ANKRD28: variants seen among roughly 807,000 people sequenced by gnomAD.
ANKRD28 encodes the protein serine/threonine-protein phosphatase 6 regulatory ankyrin repeat subunit A.
A neutral mutation model predicts 126.5 loss-of-function variants in ANKRD28; 44 were observed. The observed-to-expected ratio is 0.35, with a 90% CI of 0.27 to 0.45. ANKRD28 has a LOEUF of 0.45. Ranked by LOEUF, ANKRD28 falls within the 20% of genes least tolerant of loss-of-function variation. ANKRD28 has a pLI of 1.00. For missense variants in ANKRD28, 1,110 were observed against 1,316.6 expected, an observed-to-expected ratio of 0.84 and a Z score of 2.43; for synonymous variants, 442 against 468.5, an observed-to-expected ratio of 0.94 and a Z score of 0.73.
chr3:15,667,667 G>A lies in ANKRD28; in HGVS notation c.*2603C>T, dbSNP rs771653111. ...ATACCATTTGAGACAGTACTTTGGG[G>A]TTTCCCTTCATTGGGTGCAGACCAA... On this transcript the variant is annotated 3_prime_UTR_variant, in exon 28 of 28. Transcript: ENST00000683139. The A allele has an allele frequency of 4.6e-5, 7 of 152,206 alleles. No homozygotes were observed. The highest frequency in any genetic ancestry group is 8.8e-5 in the Non-Finnish European group (6 of 68,042). 9.4% of individuals were successfully genotyped at this position (152,206 alleles called of 1,614,324 possible). A position where few individuals can be genotyped will look rare whatever the true frequency, so the allele number is the denominator to read the frequency against.
intron 1 of ANKRD28, among the ~76,000 whole-genome samples, chr3:15,808,429 A>G (rs2060635961): frequency 1.3e-5 from 2 of 152,232 alleles, no homozygotes; most frequent in Admixed American, 6.5e-5. Context: ...AAGAAAACAA[A>G]GATGAATCCT....
intron 27 of ANKRD28, among the ~76,000 whole-genome samples, chr3:15,673,996 TGA>T (rs1441317426): frequency 6.6e-6 from 1 of 151,154 alleles, no homozygotes; most frequent in Non-Finnish European, 1.5e-5. Flanking sequence ...GACAATATAG[TGA>T]GAGTCTGTCA....
At position 15,780,056 on chromosome 3, in the gene ANKRD28, T is replaced by G. The variant is rs920217411; in HGVS notation, c.202-13744A>C. On this transcript the variant is annotated intron_variant, in intron 2 of 27. Transcript: ENST00000683139. ...CCCTCACCACTCCTATCCACCATAG[T>G]GCTGCAAGTCCTAGCCAGAACAATT... Among the ~76,000 whole-genome samples the G allele has an allele frequency of 4.6e-5, 7 of 152,232 alleles. 1 individual carries two copies. In the South Asian group the frequency reaches 6.2e-4, roughly 14 times the overall value.
At chr3:15,801,706 C>G (rs556120232), upstream of ANKRD28, among the ~76,000 whole-genome samples, 3 of 152,254 alleles carry the variant, frequency 2.0e-5, no homozygotes, top group African/African-American at 7.2e-5. The surrounding 1 kb of genome is among the most constrained non-coding windows in gnomAD (Gnocchi z 4.9). Flanking sequence ...CTAGGCTACA[C>G]AGGCCAGAAT....
At position 15,797,895 on chromosome 3, in the gene ANKRD28, G is replaced by T. The variant is rs997339829; in HGVS notation, c.-1374C>A. ...ATCAGTCCCACAGAAGCATTCCAAC[G>T]GAGCAACAGTCTGAAGAGCAAAGAC... On this transcript the variant is annotated 5_prime_UTR_variant, in exon 1 of 28. Coordinates refer to ENST00000683139, the MANE Select transcript of ANKRD28 (RefSeq NM_001349278.2). 1.0e-6 allele frequency: 1 copy of T among 985,294 alleles called. No individual in the cohort carries two copies. Among genetic ancestry groups the T allele is most frequent in the Non-Finnish European group, 1.2e-6 (1 of 829,928 alleles). 61.0% of individuals were successfully genotyped at this position (985,294 alleles called of 1,614,324 possible).
At chr3:15,690,765 C>T (rs1344573750) in intron 17 of ANKRD28, among the ~76,000 whole-genome samples, 1 of 152,018 alleles carries the variant, frequency 6.6e-6, no homozygotes, top group Non-Finnish European at 1.5e-5. Flanking sequence ...ATGAGGGTCT[C>T]GCTATGCTAT....
At chr3:15,844,910 G>C (rs1489789056) in intron 1 of ANKRD28, among the ~76,000 whole-genome samples, 1 of 152,206 alleles carries the variant, frequency 6.6e-6, no homozygotes, top group Non-Finnish European at 1.5e-5. Flanking sequence ...CAGTTTGGCA[G>C]GTTGTATAGG....
rs573814233 is a variant in ANKRD28 at position 15,804,516 on chromosome 3, T to C, written c.28-9210A>G. Among the ~76,000 whole-genome samples, 2 of 145,704 alleles carry C rather than the reference T, an allele frequency of 1.4e-5. 1 individual carries two copies. Among genetic ancestry groups the C allele is most frequent in the Admixed American group, 1.4e-4 (2 of 14,730 alleles). ...CTCTATCACATTTTTCAGAAAATGG[T>C]TGAAGATTCAAAACTATCATTTATA... On this transcript the variant is annotated intron_variant, in intron 1 of 27. Transcript: ENST00000399451.
At chr3:15,819,903 T>C (rs961701619) in intron 1 of ANKRD28, among the ~76,000 whole-genome samples, 11 of 152,226 alleles carry the variant, frequency 7.2e-5, no homozygotes, top group Non-Finnish European at 1.5e-4. Context: ...TCATAGGGCA[T>C]GGTTATCATA....
At chr3:15,789,653 C>A (rs899936769) in intron 2 of ANKRD28, among the ~76,000 whole-genome samples, 1 of 151,904 alleles carries the variant, frequency 6.6e-6, no homozygotes, top group African/African-American at 2.4e-5. Flanking sequence ...AAGCAAAAAA[C>A]CTCTATTTAT....
chr3:15,776,290 G>C (rs2125648102), intron 2 of ANKRD28, among the ~76,000 whole-genome samples: 2 of 152,222 alleles, frequency 1.3e-5, no homozygotes, highest in African/African-American at 4.8e-5. Context: ...TTATACTATA[G>C]AAATGCACGC....
intron 3 of ANKRD28, among the ~76,000 whole-genome samples, chr3:15,765,007 C>G (rs2058674764): frequency 6.6e-6 from 1 of 152,156 alleles, no homozygotes; most frequent in South Asian, 2.1e-4. Flanking sequence ...ACGAAATCTT[C>G]ACACAAAATT....
chr3:15,689,561 TTCA>T lies in ANKRD28; in HGVS notation c.1963+455_1963+457del, dbSNP rs901848301. ...CATCTTTTGTGCAGAGGAGCTTCTT[TTCA>T]TGAGAGCAGGACAGTTTTAATGACT... On this transcript the variant is annotated intron_variant, in intron 18 of 27. Transcript: ENST00000683139. Among the ~76,000 whole-genome samples, 20 of 152,326 alleles carry T rather than the reference TTCA, an allele frequency of 1.3e-4. No homozygotes were observed. In the South Asian group the frequency reaches 1.7e-3, roughly 13 times the overall value.
At chr3:15,745,241 T>C (rs2057397452) in intron 4 of ANKRD28, among the ~76,000 whole-genome samples, 1 of 152,126 alleles carries the variant, frequency 6.6e-6, no homozygotes, top group Admixed American at 6.5e-5. Flanking sequence ...TTTAATTAAG[T>C]CCCATCTATT....
rs111280286 is a variant in ANKRD28, at chr3:15,733,955, T to C, written c.640+1455A>G. Among the ~76,000 whole-genome samples, 320 of 152,372 alleles carry C rather than the reference T, an allele frequency of 2.1e-3. 2 individuals carry two copies. The highest frequency in any genetic ancestry group is 0.01 in the Middle Eastern group (3 of 294). On this transcript the variant is annotated intron_variant, in intron 6 of 27. Coordinates refer to ENST00000683139, the MANE Select transcript of ANKRD28 (RefSeq NM_001349278.2). ...GACATGTTATGTATAGACTTATTTA[T>C]CTAGAAAGAGTGTATTATAACTGGT...
rs2061540404 is a variant in ANKRD28, at chr3:15,846,760, A to G, written c.27+12617T>C. Among the ~76,000 whole-genome samples the G allele has an allele frequency of 6.6e-6, 1 of 152,206 alleles. No homozygotes were observed. Among genetic ancestry groups the G allele is most frequent in the Non-Finnish European group, 1.5e-5 (1 of 68,018 alleles). On this transcript the variant is annotated intron_variant, in intron 1 of 27. Coordinates refer to the ANKRD28 transcript ENST00000399451. This position sits in a 1 kb window ranked among gnomAD's most constrained non-coding sequence, Gnocchi z 5.4. ...TGCCTGAGGAGGCTGGAGACAACCC[A>G]GGCTGAAAGAAGTTCAGTTCTCTTT...
chr3:15,731,411 A>G (rs1033455265), intron 6 of ANKRD28, among the ~76,000 whole-genome samples: 3 of 152,314 alleles, frequency 2.0e-5, no homozygotes, highest in Admixed American at 2.0e-4. Flanking sequence ...ACATCACATA[A>G]CCTGGTTGTT....
intron 27 of ANKRD28, among the ~76,000 whole-genome samples, chr3:15,672,288 C>T (rs941018264): frequency 5.9e-5 from 9 of 151,970 alleles, no homozygotes; most frequent in Admixed American, 5.9e-4. Context: ...TGACTATAGG[C>T]ACATGCCATG....
chr3:15,854,292 T>A lies in ANKRD28; in HGVS notation c.27+5085A>T, dbSNP rs539902410. Among the ~76,000 whole-genome samples the A allele has an allele frequency of 2.6e-5, 4 of 152,220 alleles. No homozygotes were observed. Among genetic ancestry groups the A allele is most frequent in the Non-Finnish European group, 4.4e-5 (3 of 68,042 alleles). On this transcript the variant is annotated intron_variant, in intron 1 of 27. Transcript: ENST00000399451. This position sits in a 1 kb window ranked among gnomAD's most constrained non-coding sequence, Gnocchi z 4.1. Reference sequence around the variant, plus strand: ...TCTCTTTTCCAACTACACACTCCAATCAAGACTATCTCCTGATTATCCCAT... The same window carrying A: ...TCTCTTTTCCAACTACACACTCCAAACAAGACTATCTCCTGATTATCCCAT...
Sources: gnomAD v4.1 joint callset for allele counts (sites outside exome capture counted in the v4.1 genomes callset) on GRCh38, gnomAD v4.1.1 for gene constraint, Gnocchi (gnomAD v3.1) non-coding constraint, MANE v1.5 for transcripts, NCBI Gene and HGNC (gene_info 2026-07-23, HGNC 2026-07-21) for gene names.